Variants in CELF2 observed in about 807,000 individuals in gnomAD.
CELF2 encodes the protein CUG triplet repeat RNA-binding protein 2.
In CELF2, 8 loss-of-function variants were observed where a neutral mutation model predicts 62.6. The ratio of observed to expected loss-of-function variants is 0.13; its 90% CI spans 0.07 to 0.23. The LOEUF is 0.23. Ranked by LOEUF, CELF2 falls within the 10% of genes least tolerant of loss-of-function variation. The probability of loss-of-function intolerance (pLI) is 1.00; values close to 1 mark genes in which losing one functional copy is unlikely to be tolerated. For synonymous variants in CELF2, 258 were observed against 250.0 expected, an observed-to-expected ratio of 1.03 and a Z score of -0.30; for missense variants, 333 against 671.0, an observed-to-expected ratio of 0.50 and a Z score of 5.56.
At chr10:11,002,500 G>C (rs533304416), upstream of CELF2, among the ~76,000 whole-genome samples, 9 of 152,278 alleles carry the variant, frequency 5.9e-5, no homozygotes, top group East Asian at 1.7e-3. This position sits in a 1 kb window ranked among gnomAD's most constrained non-coding sequence, Gnocchi z 4.4. Context: ...GTGCACAGTG[G>C]GGGCATTGGG....
the CELF2 span, among the ~76,000 whole-genome samples, chr10:10,654,267 A>C: frequency 3.5e-5 from 4 of 115,026 alleles, 1 homozygote; most frequent in South Asian, 1.0e-3. Context: ...AGATGGATTC[A>C]CAGCTGAATT....
In CELF2 at chr10:10,863,634, A is replaced by G. The variant is rs188202082; in HGVS notation, c.54-56330A>G. On this transcript the variant is annotated intron_variant, in intron 1 of 13. Coordinates refer to the CELF2 transcript ENST00000636488. The stretch of plus-strand genomic sequence containing the variant: ...GCCGTCACTTTTAATGGCAAAAACC[A>G]CAATTACTTTTGCACCAACCTAATA... Among the ~76,000 whole-genome samples, 1,184 of 152,266 alleles carry G rather than the reference A, an allele frequency of 7.8e-3. 13 individuals are homozygous for G. The highest frequency in any genetic ancestry group is 0.027 in the African/African-American group (1,124 of 41,566).
chr10:11,273,966 CCA>C (rs764821442), intron 7 of CELF2, among the ~76,000 whole-genome samples: 3,454 of 30,888 alleles, frequency 0.11, no homozygotes, highest in Middle Eastern at 0.25. Context: ...CAAGTGATCC[CCA>C]CCCCCCCCCC....
In CELF2 at chr10:11,170,496, T is replaced by C. The variant is rs74115744; in HGVS notation, c.271+4814T>C. Among the ~76,000 whole-genome samples the C allele has an allele frequency of 2.9e-3, 442 of 152,114 alleles. 3 individuals are homozygous for C. Among genetic ancestry groups the C allele is most frequent in the African/African-American group, 9.8e-3 (407 of 41,492 alleles). On this transcript the variant is annotated intron_variant, in intron 2 of 12. Coordinates refer to ENST00000633077, the MANE Select transcript of CELF2 (RefSeq NM_001326342.2). ...GTCCATCTGGAGTGGGCCCTGATGG[T>C]TGTGGACTGTTTATCCCTGAGTGAG...
At chr10:10,630,512 C>T in the CELF2 span, among the ~76,000 whole-genome samples, 2 of 152,166 alleles carry the variant, frequency 1.3e-5, no homozygotes, top group African/African-American at 4.8e-5. Flanking sequence ...CACCTTTCCT[C>T]ATTAGATTAA....
chr10:10,651,835 G>A, the CELF2 span, among the ~76,000 whole-genome samples: 10 of 151,700 alleles, frequency 6.6e-5, no homozygotes, highest in South Asian at 1.7e-3. Flanking sequence ...CCAAAGGAAC[G>A]CAGTTCCTCA....
chr10:10,897,037 T>G (rs1462486524), intron 1 of CELF2, among the ~76,000 whole-genome samples: 1 of 152,148 alleles, frequency 6.6e-6, no homozygotes, highest in Non-Finnish European at 1.5e-5. Flanking sequence ...GGGTAAAGGC[T>G]GGAAGAATTT....
chr10:10,781,072 C>T, the CELF2 span, among the ~76,000 whole-genome samples: 4 of 152,004 alleles, frequency 2.6e-5, no homozygotes, highest in Non-Finnish European at 4.4e-5. Context: ...AAAATGAACC[C>T]ACTTACCAAA....
chr10:10,743,701 G>A, the CELF2 span, among the ~76,000 whole-genome samples: 9 of 152,230 alleles, frequency 5.9e-5, no homozygotes, highest in African/African-American at 2.2e-4. Context: ...TCCTCTTTGT[G>A]ACATCTTCAT....
the CELF2 span, among the ~76,000 whole-genome samples, chr10:10,537,958 C>T: frequency 6.6e-6 from 1 of 152,124 alleles, no homozygotes; most frequent in Non-Finnish European, 1.5e-5. Context: ...GCAGTGCATA[C>T]AGTCCAAGTG....
intron 2 of CELF2, among the ~76,000 whole-genome samples, chr10:11,197,012 GAAAGAAAGAAAGA>G (rs1171505649): frequency 2.0e-4 from 4 of 19,662 alleles, no homozygotes; most frequent in Non-Finnish European, 3.2e-4. Context: ...GAGAAAGAAA[GAAAGAAAGAAAGA>G]AAAGAAAGAA....
intron 1 of CELF2, among the ~76,000 whole-genome samples, chr10:11,100,895 G>A (rs956803705): frequency 6.6e-6 from 1 of 152,150 alleles, no homozygotes; most frequent in Non-Finnish European, 1.5e-5. Context: ...TGCATTCAAT[G>A]AAACAAAATC....
chr10:11,253,292 C>G (rs570628053), intron 4 of CELF2, among the ~76,000 whole-genome samples: 1 of 152,342 alleles, frequency 6.6e-6, no homozygotes, highest in South Asian at 2.1e-4. Flanking sequence ...AGAAATGTCA[C>G]TTAAGCCTGC....
the CELF2 span, among the ~76,000 whole-genome samples, chr10:10,606,289 G>GA: frequency 6.6e-6 from 1 of 152,174 alleles, no homozygotes; most frequent in Non-Finnish European, 1.5e-5. Flanking sequence ...TCTTCCAGGA[G>GA]ACCTTAGAAG....
At chr10:10,662,995 G>A in the CELF2 span, among the ~76,000 whole-genome samples, 1 of 152,166 alleles carries the variant, frequency 6.6e-6, no homozygotes, top group African/African-American at 2.4e-5. Context: ...AGTACAAGGA[G>A]CTATTGTTCC....
chr10:11,164,585 T>C lies in CELF2; in HGVS notation c.75-901T>C, dbSNP rs75457087. Among the ~76,000 whole-genome samples, 211 of 152,186 alleles carry C rather than the reference T, an allele frequency of 1.4e-3. 1 individual carries two copies. The East Asian group carries it at 0.024, about 17-fold the overall frequency. The stretch of plus-strand genomic sequence containing the variant: ...AAGTGCAACATCTGGAAGTCAGATA[T>C]ACAGAGAACAATTTATGGAGTGTGA... On this transcript the variant is annotated intron_variant, in intron 1 of 12. Transcript: ENST00000633077.
chr10:10,926,651 G>C (rs1354603090), intron 2 of CELF2, among the ~76,000 whole-genome samples: 1 of 152,170 alleles, frequency 6.6e-6, no homozygotes, highest in Non-Finnish European at 1.5e-5. Flanking sequence ...CCATGGGACT[G>C]TTTTTTAGGG....
At chr10:10,815,956 T>G (rs2056426838) in intron 1 of CELF2, among the ~76,000 whole-genome samples, 1 of 150,886 alleles carries the variant, frequency 6.6e-6, no homozygotes, top group Admixed American at 6.6e-5. Context: ...TTGATCATCG[T>G]TTCTTATTTT....
intron 1 of CELF2, among the ~76,000 whole-genome samples, chr10:11,135,349 G>T (rs138571718): frequency 6.6e-6 from 1 of 152,122 alleles, no homozygotes; most frequent in African/African-American, 2.4e-5. Context: ...GTCTTTTCTC[G>T]TACATGACGT....
Sources: gnomAD v4.1 joint callset for allele counts (sites outside exome capture counted in the v4.1 genomes callset) on GRCh38, gnomAD v4.1.1 for gene constraint, Gnocchi (gnomAD v3.1) non-coding constraint, MANE v1.5 for transcripts, NCBI Gene and HGNC (gene_info 2026-07-23, HGNC 2026-07-21) for gene names.